Variants in CTNNA1 observed in about 807,000 individuals in gnomAD.
The protein encoded by CTNNA1 is catenin alpha-1.
Under a neutral mutation model 98.4 loss-of-function variants are expected in CTNNA1, and 37 were observed. The ratio of observed to expected loss-of-function variants is 0.38; its 90% CI spans 0.29 to 0.49. The LOEUF is 0.49. CTNNA1 is among the 20% of genes least tolerant of loss of function. CTNNA1 has a pLI of 0.95. For synonymous variants in CTNNA1, 404 were observed against 413.2 expected, an observed-to-expected ratio of 0.98 and a Z score of 0.27; for missense variants, 761 against 1,147.2, an observed-to-expected ratio of 0.66 and a Z score of 4.86.
intron 7 of CTNNA1, among the ~76,000 whole-genome samples, chr5:138,839,794 T>G (rs1039028859): frequency 2.0e-4 from 30 of 152,208 alleles, no homozygotes; most frequent in African/African-American, 7.2e-4. Context: ...CAACCAGTGT[T>G]TTCAAAACTG....
chr5:138,904,273 G>C, intron 9 of CTNNA1, 76 bp from the exon 10 acceptor site: 1 of 1,505,276 alleles, frequency 6.6e-7, no homozygotes. Flanking sequence ...AATGGTCAGA[G>C]GTAGGGCCAG....
chr5:138,827,987 T>A (rs143190763), intron 7 of CTNNA1: 1 of 439,068 alleles, frequency 2.3e-6, no homozygotes. Context: ...TGTAGATACA[T>A]GTGTAGGTGT....
At chr5:138,847,292 C>T (rs546940319) in intron 7 of CTNNA1, among the ~76,000 whole-genome samples, 5 of 79,590 alleles carry the variant, frequency 6.3e-5, no homozygotes, top group South Asian at 4.5e-4. Context: ...TTTTTAAAGC[C>T]GGCGTAGTCC....
intron 11 of CTNNA1, among the ~76,000 whole-genome samples, chr5:138,922,567 G>A (rs1580838537): frequency 6.6e-6 from 1 of 152,250 alleles, no homozygotes; most frequent in East Asian, 1.9e-4. Context: ...GTATTGAACA[G>A]TTGTTCATGG....
At chr5:138,825,498 T>TTTTTTTTTTTTTTTTA (rs1760610249) in intron 6 of CTNNA1, among the ~76,000 whole-genome samples, 1 of 103,972 alleles carries the variant, frequency 9.6e-6, no homozygotes, top group Non-Finnish European at 2.0e-5. Flanking sequence ...TTTTTTTTTT[T>TTTTTTTTTTTTTTTTA]AGGGCTTTAA....
chr5:138,864,041 C>T (rs1426203079), intron 7 of CTNNA1, among the ~76,000 whole-genome samples: 1 of 152,198 alleles, frequency 6.6e-6, no homozygotes, highest in Non-Finnish European at 1.5e-5. Flanking sequence ...TGGCTTGCTG[C>T]AGCCTCCACT....
At chr5:138,893,895 T>G (rs993104337) in intron 9 of CTNNA1, among the ~76,000 whole-genome samples, 1 of 151,644 alleles carries the variant, frequency 6.6e-6, no homozygotes. Flanking sequence ...CTGCTGAGAT[T>G]ACAGGCGTGA....
intron 7 of CTNNA1, among the ~76,000 whole-genome samples, chr5:138,885,607 G>A (rs574622704): frequency 4.6e-5 from 7 of 152,208 alleles, no homozygotes; most frequent in African/African-American, 1.7e-4. Context: ...AGTGACTAGC[G>A]GGTTCTTTTC....
chr5:138,796,872 CA>C (rs1475230933), intron 3 of CTNNA1, among the ~76,000 whole-genome samples: 2 of 152,154 alleles, frequency 1.3e-5, no homozygotes, highest in East Asian at 3.8e-4. Flanking sequence ...CAGTTGATAA[CA>C]AACAATATGC....
intron 7 of CTNNA1, among the ~76,000 whole-genome samples, chr5:138,854,401 G>C (rs945301016): frequency 6.6e-6 from 1 of 152,270 alleles, no homozygotes; most frequent in East Asian, 1.9e-4. Flanking sequence ...ATTTTGTCTT[G>C]ATCTGGGGCC....
chr5:138,792,592 A>G (rs991028781), intron 3 of CTNNA1, among the ~76,000 whole-genome samples: 1 of 152,178 alleles, frequency 6.6e-6, no homozygotes, highest in Non-Finnish European at 1.5e-5. Context: ...TTTGAAGAGC[A>G]TTGTGTGGGT....
chr5:138,761,167 G>A (rs1752320568), intron 1 of CTNNA1, among the ~76,000 whole-genome samples: 1 of 152,150 alleles, frequency 6.6e-6, no homozygotes, highest in Non-Finnish European at 1.5e-5. Flanking sequence ...TTAGTTGTAG[G>A]TACATGCTGT....
At chr5:138,889,052 A>G (rs1026581358) in intron 9 of CTNNA1, among the ~76,000 whole-genome samples, 24 of 152,362 alleles carry the variant, frequency 1.6e-4, no homozygotes, top group African/African-American at 5.5e-4. Context: ...TCCATTAAGC[A>G]TAATCTTGTT....
At chr5:138,796,646 A>G (rs1450311470) in intron 3 of CTNNA1, among the ~76,000 whole-genome samples, 2 of 152,208 alleles carry the variant, frequency 1.3e-5, no homozygotes, top group Admixed American at 6.5e-5. Context: ...GAGCAAGGTT[A>G]TCTGGGAAAT....
intron 7 of CTNNA1, among the ~76,000 whole-genome samples, chr5:138,877,572 T>C (rs1039042519): frequency 6.6e-6 from 1 of 151,882 alleles, no homozygotes; most frequent in Non-Finnish European, 1.5e-5. Context: ...CTCAGCCTCC[T>C]GAGTAGCTGG....
intron 3 of CTNNA1, among the ~76,000 whole-genome samples, chr5:138,805,169 G>A (rs1429000779): frequency 6.6e-6 from 1 of 152,142 alleles, no homozygotes; most frequent in South Asian, 2.1e-4. Context: ...CCATTCATGA[G>A]AAACCACTCT....
chr5:138,932,035 T>G (rs1214681243), intron 16 of CTNNA1: 36 of 985,480 alleles, frequency 3.7e-5, no homozygotes, highest in Non-Finnish European at 4.2e-5. Flanking sequence ...CCCCAACTGC[T>G]TTTTTTCTTG....
chr5:138,811,368 G>A (rs1758765186), intron 4 of CTNNA1, among the ~76,000 whole-genome samples: 1 of 128,264 alleles, frequency 7.8e-6, no homozygotes, highest in South Asian at 2.9e-4. Flanking sequence ...TGGCGGCCGG[G>A]AAGAGGCGCT....
At chr5:138,889,725 C>T (rs1257744266) in intron 9 of CTNNA1, among the ~76,000 whole-genome samples, 2 of 150,610 alleles carry the variant, frequency 1.3e-5, no homozygotes, top group Non-Finnish European at 2.9e-5. Flanking sequence ...CACCCCCACA[C>T]GTTAACTATG....
Sources: gnomAD v4.1 joint callset for allele counts (sites outside exome capture counted in the v4.1 genomes callset) on GRCh38, gnomAD v4.1.1 for gene constraint, MANE v1.5 for transcripts, NCBI Gene and HGNC (gene_info 2026-07-23, HGNC 2026-07-21) for gene names.